The following SEPTIN14 variants were observed in gnomAD, a reference collection of about 807,000 sequenced individuals.
SEPTIN14 encodes septin-14.
Under a neutral mutation model 53.6 loss-of-function variants are expected in SEPTIN14, and 40 were observed. That is an observed-to-expected ratio of 0.75 (90% CI 0.58 to 0.97). SEPTIN14 has a LOEUF of 0.97. SEPTIN14 is among the 50% of genes least tolerant of loss of function. SEPTIN14 has a pLI of 0.00. For synonymous variants in SEPTIN14, 138 were observed against 166.8 expected, an observed-to-expected ratio of 0.83 and a Z score of 1.33; for missense variants, 471 against 508.2, an observed-to-expected ratio of 0.93 and a Z score of 0.70.
chr7:55,847,132 C>T (rs1789429204), intron 2 of SEPTIN14, among the ~76,000 whole-genome samples: 5 of 152,000 alleles, frequency 3.3e-5, no homozygotes, highest in Admixed American at 6.6e-5. Context: ...CACTTCAACC[C>T]GGGAGGGGGA....
intron 2 of SEPTIN14, among the ~76,000 whole-genome samples, chr7:55,848,455 C>T (rs1326604504): frequency 6.6e-6 from 1 of 151,868 alleles, no homozygotes; most frequent in Non-Finnish European, 1.5e-5. Context: ...ATCCACTGCA[C>T]CTGGCTAATT....
intron 6 of SEPTIN14, 68 bp from the exon 7 acceptor site, chr7:55,819,291 C>T (rs1252297983): frequency 8.5e-7 from 1 of 1,169,666 alleles, no homozygotes; most frequent in African/African-American, 1.5e-5. Flanking sequence ...TACTCTCATT[C>T]CTGTTATAAA....
chr7:55,862,063 T>C, intron 1 of SEPTIN14, 52 bp from the exon 2 acceptor site: 1 of 1,106,458 alleles, frequency 9.0e-7, no homozygotes, highest in Non-Finnish European at 1.3e-6. Flanking sequence ...AAAGGCTATA[T>C]TCTTACTATA....
chr7:55,845,658 T>C (rs925682353), intron 3 of SEPTIN14, among the ~76,000 whole-genome samples: 1 of 152,128 alleles, frequency 6.6e-6, no homozygotes, highest in Admixed American at 6.6e-5. Flanking sequence ...ATTGTATCCA[T>C]ACATGTAAAT....
chr7:55,841,080 T>C (rs1385496663), intron 5 of SEPTIN14, among the ~76,000 whole-genome samples: 1 of 152,082 alleles, frequency 6.6e-6, no homozygotes, highest in Admixed American at 6.6e-5. Flanking sequence ...GCTAATTTTC[T>C]GTATTTTTAG....
Position 55,848,729 on chromosome 7 carries a change from T to C in SEPTIN14, c.55-2092A>G, listed in dbSNP as rs1241107129. On this transcript the variant is annotated intron_variant, in intron 2 of 9. Coordinates refer to ENST00000388975, the MANE Select transcript of SEPTIN14 (RefSeq NM_207366.3). ...TTCACGCCATTCTCCTGCCTCAGCC[T>C]CCCGAGTAGCTGGGACTACAGGCAC... Among the ~76,000 whole-genome samples, 3 of 149,548 alleles carry C rather than the reference T, an allele frequency of 2.0e-5. No individual in the cohort carries two copies. In the East Asian group the frequency reaches 6.1e-4, roughly 31 times the overall value.
At chr7:55,851,524 C>A (rs893020929) in intron 2 of SEPTIN14, among the ~76,000 whole-genome samples, 1 of 151,744 alleles carries the variant, frequency 6.6e-6, no homozygotes, top group Non-Finnish European at 1.5e-5. Flanking sequence ...GTTAATTCAG[C>A]ACTCAAAAAT....
chr7:55,842,646 C>T (rs1394947650), intron 5 of SEPTIN14, among the ~76,000 whole-genome samples: 1 of 151,182 alleles, frequency 6.6e-6, no homozygotes, highest in African/African-American at 2.4e-5. Context: ...GGCACGGTGG[C>T]TCACACCTGT....
chr7:55,846,907 G>C (rs1274423542), intron 2 of SEPTIN14, among the ~76,000 whole-genome samples: 3 of 152,146 alleles, frequency 2.0e-5, no homozygotes, highest in Non-Finnish European at 2.9e-5. Flanking sequence ...AGAGACAGGG[G>C]ACAGGCACGG....
At chr7:55,811,825 G>A (rs1402853251) in intron 7 of SEPTIN14, among the ~76,000 whole-genome samples, 5 of 148,422 alleles carry the variant, frequency 3.4e-5, no homozygotes, top group African/African-American at 1.0e-4. Context: ...ACAGAGTCTC[G>A]CTCTGTCACT....
chr7:55,858,895 G>A (rs139424532), intron 2 of SEPTIN14, among the ~76,000 whole-genome samples: 2,788 of 152,196 alleles, frequency 0.018, 43 homozygotes, highest in Non-Finnish European at 0.03. Flanking sequence ...ACAAACCTCT[G>A]TACTAAAGGC....
At position 55,794,082 on chromosome 7, in the gene SEPTIN14, T is replaced by C. The variant is rs1273234194; in HGVS notation, c.*1831A>G. The C allele has an allele frequency of 6.6e-6, 1 of 152,144 alleles. No homozygotes were observed. The highest frequency in any genetic ancestry group is 1.9e-4 in the East Asian group (1 of 5,200). The allele number at this position is 152,144 out of a possible 1,614,324, so 9.4% of individuals were successfully genotyped here. On this transcript the variant is annotated 3_prime_UTR_variant, in exon 10 of 10. Coordinates refer to ENST00000388975, the MANE Select transcript of SEPTIN14 (RefSeq NM_207366.3). ...TAAAAATATGCCTTATAGTATCATA[T>C]AATATCATGTTTTATAGCTCTTGGA...
chr7:55,808,542 T>C (rs1427790764), intron 7 of SEPTIN14, among the ~76,000 whole-genome samples: 1 of 152,084 alleles, frequency 6.6e-6, no homozygotes, highest in Non-Finnish European at 1.5e-5. Flanking sequence ...TGAAAAGTAG[T>C]TTGATAATTT....
chr7:55,825,986 C>T (rs983632661), intron 6 of SEPTIN14, among the ~76,000 whole-genome samples: 5 of 151,938 alleles, frequency 3.3e-5, no homozygotes, highest in Non-Finnish European at 7.4e-5. Flanking sequence ...CCTGTAGTCC[C>T]AGCTACTCAG....
At chr7:55,798,099 C>A in intron 9 of SEPTIN14, 1 of 187,316 alleles carries the variant, frequency 5.3e-6, no homozygotes, top group South Asian at 1.1e-4. Context: ...TCGGCATGTT[C>A]AGGTAGAGGA....
chr7:55,833,744 C>G (rs1217474810), intron 6 of SEPTIN14, among the ~76,000 whole-genome samples: 1 of 146,680 alleles, frequency 6.8e-6, no homozygotes, highest in Non-Finnish European at 1.5e-5. Context: ...ATCAATGAAG[C>G]TAAGAGTTGA....
At chr7:55,815,989 C>T (rs1290230101) in intron 7 of SEPTIN14, among the ~76,000 whole-genome samples, 1 of 152,102 alleles carries the variant, frequency 6.6e-6, no homozygotes, top group Non-Finnish European at 1.5e-5. Context: ...AAATGTGGTA[C>T]ATATACATGA....
At chr7:55,802,092 C>T (rs1483469150) in intron 9 of SEPTIN14, among the ~76,000 whole-genome samples, 1 of 151,314 alleles carries the variant, frequency 6.6e-6, no homozygotes, top group African/African-American at 2.4e-5. Context: ...GCAACCTTCA[C>T]CTCCTGGGTT....
intron 9 of SEPTIN14, among the ~76,000 whole-genome samples, chr7:55,799,509 C>A (rs1788489326): frequency 1.7e-5 from 2 of 115,864 alleles, no homozygotes. Context: ...CAGAGCAAGA[C>A]TCTTGTCTCA....
Sources: allele counts gnomAD v4.1 joint callset (sites outside exome capture counted in the v4.1 genomes callset), GRCh38; gene constraint gnomAD v4.1.1; transcripts MANE v1.5; gene names NCBI Gene and HGNC (gene_info 2026-07-23, HGNC 2026-07-21).